Variants in KLHL3 observed in about 807,000 individuals in gnomAD.
KLHL3 encodes the protein kelch like family member 3.
Under a neutral mutation model 70.5 loss-of-function variants are expected in KLHL3, and 19 were observed. That is an observed-to-expected ratio of 0.27 (90% confidence interval 0.19 to 0.40). The LOEUF is 0.40. Among genes scored for constraint, KLHL3 ranks in the 10% least tolerant of loss-of-function variants. KLHL3 has a pLI of 1.00. For missense variants in KLHL3, 512 were observed against 771.1 expected, an observed-to-expected ratio of 0.66 and a Z score of 3.98; for synonymous variants, 258 against 290.3, an observed-to-expected ratio of 0.89 and a Z score of 1.13.
At chr5:137,638,810 G>A (rs1750833293) in intron 10 of KLHL3, 143 bp downstream of exon 10, 4 of 763,318 alleles carry the variant, frequency 5.2e-6, no homozygotes, top group Non-Finnish European at 8.6e-6. Flanking sequence ...CCCAAAAGCT[G>A]GATGAGGAAG....
chr5:137,709,682 A>T (rs575266494), intron 3 of KLHL3, 68 bp downstream of exon 3: 102 of 1,251,302 alleles, frequency 8.2e-5, no homozygotes, highest in Admixed American at 6.3e-4. Flanking sequence ...TCATGTCACC[A>T]CCCCCAACAT....
chr5:137,683,191 T>C (rs1342735851), intron 5 of KLHL3, among the ~76,000 whole-genome samples: 3 of 152,204 alleles, frequency 2.0e-5, no homozygotes, highest in Non-Finnish European at 2.9e-5. Context: ...GAAAGTTATA[T>C]GGTGCCTCTT....
chr5:137,659,196 C>T (rs963718566), intron 7 of KLHL3, among the ~76,000 whole-genome samples: 2 of 152,194 alleles, frequency 1.3e-5, no homozygotes, highest in Admixed American at 6.5e-5. Flanking sequence ...TTGGGCAGCC[C>T]TGTGCTGGTC....
rs118184429 is a variant in KLHL3 at position 137,698,635 on chromosome 5, A to G, written c.242-227T>C. 6.8e-4 allele frequency among the ~76,000 whole-genome samples: 104 copies of G among 152,262 alleles called. 4 individuals are homozygous for G. The East Asian group carries it at 0.019, about 27-fold the overall frequency. The stretch of plus-strand genomic sequence containing the variant: ...CCCAGCCTTAAGCATTCCTTACTCT[A>G]TCTATTGCCCACTTCCATTGTGAAG... On this transcript the variant is annotated intron_variant, in intron 3 of 14. Coordinates refer to ENST00000309755, the MANE Select transcript of KLHL3 (RefSeq NM_017415.3).
At chr5:137,630,485 C>T (rs1317339998) in intron 12 of KLHL3, among the ~76,000 whole-genome samples, 1 of 152,182 alleles carries the variant, frequency 6.6e-6, no homozygotes, top group African/African-American at 2.4e-5. Context: ...GGCTGCCTCC[C>T]CAGGCTTTCG....
At chr5:137,682,491 T>C (rs1453923852) in intron 5 of KLHL3, among the ~76,000 whole-genome samples, 1 of 150,560 alleles carries the variant, frequency 6.6e-6, no homozygotes, top group Non-Finnish European at 1.5e-5. Context: ...AAGAGAATAA[T>C]CTTAGTCCCT....
intron 6 of KLHL3, among the ~76,000 whole-genome samples, chr5:137,668,119 T>A (rs570264491): frequency 6.0e-4 from 91 of 152,298 alleles, no homozygotes; most frequent in South Asian, 4.1e-3. Flanking sequence ...TTTAAAAACC[T>A]AGGCCAGGCA....
chr5:137,707,554 T>C (rs1294449490), intron 3 of KLHL3: 5 of 154,420 alleles, frequency 3.2e-5, no homozygotes, highest in Non-Finnish European at 7.3e-5. Context: ...CTTACCTAGA[T>C]GTTGTAGTAC....
At chr5:137,664,818 T>TAA (rs1206531497) in intron 6 of KLHL3, among the ~76,000 whole-genome samples, 8 of 151,708 alleles carry the variant, frequency 5.3e-5, no homozygotes, top group Non-Finnish European at 8.8e-5. Context: ...AGCCTATCTT[T>TAA]AAAAAAATAA....
chr5:137,699,188 A>G (rs1265473322), intron 3 of KLHL3, among the ~76,000 whole-genome samples: 1 of 152,192 alleles, frequency 6.6e-6, no homozygotes, highest in East Asian at 1.9e-4. Flanking sequence ...TGAGAGAGGT[A>G]TTAGAGGATG....
At chr5:137,631,502 G>C (rs1232278054) in intron 12 of KLHL3, among the ~76,000 whole-genome samples, 1 of 152,206 alleles carries the variant, frequency 6.6e-6, no homozygotes, top group Non-Finnish European at 1.5e-5. Context: ...TTCAATTCCA[G>C]ACAGGCAAGC....
chr5:137,733,032 A>G (rs745678966), intron 1 of KLHL3, among the ~76,000 whole-genome samples: 8 of 152,298 alleles, frequency 5.3e-5, no homozygotes, highest in Admixed American at 2.6e-4. Flanking sequence ...AAAATTGTTC[A>G]TTAGCAATCC....
intron 13 of KLHL3, 106 bp downstream of exon 13, chr5:137,628,191 C>A: frequency 7.2e-7 from 1 of 1,391,298 alleles, no homozygotes; most frequent in Non-Finnish European, 1.0e-6. Flanking sequence ...TCAGGATATA[C>A]GCTCAGCTCC....
At chr5:137,725,581 A>G (rs926198502) in intron 1 of KLHL3, among the ~76,000 whole-genome samples, 1 of 152,222 alleles carries the variant, frequency 6.6e-6, no homozygotes, top group African/African-American at 2.4e-5. Context: ...CAACAATTGT[A>G]GATGTAGTGA....
intron 8 of KLHL3, among the ~76,000 whole-genome samples, chr5:137,647,072 G>C (rs979311603): frequency 6.6e-6 from 1 of 152,176 alleles, no homozygotes; most frequent in East Asian, 1.9e-4. Context: ...CTCCACTGTA[G>C]CAGAGATGGT....
chr5:137,622,516 T>C (rs1750338206), intron 14 of KLHL3, among the ~76,000 whole-genome samples: 1 of 152,248 alleles, frequency 6.6e-6, no homozygotes, highest in Non-Finnish European at 1.5e-5. Context: ...ATCTCTACTT[T>C]TAGAAGACAC....
In KLHL3 at chr5:137,639,131, G is replaced by A. The variant is rs754282011; in HGVS notation, c.1041C>T (p.Gly347=). The change falls in exon 10 of 15, where the codon GGC becomes GGT. Residue 347 remains glycine, a synonymous_variant. Transcript: ENST00000309755. The surrounding 1 kb of genome is among the most constrained non-coding windows in gnomAD (Gnocchi z 5.0). The stretch of plus-strand genomic sequence containing the variant: ...TAAACCCTCCCACGGCATACACGTG[G>A]CCAGCCATGAACACCACACCTGAGG... ...RCRAGVVFMA[G]HVYAVGGFNG... 1.2e-6 allele frequency: 2 copies of A among 1,611,790 alleles called. No individual in the cohort carries two copies. Among genetic ancestry groups the A allele is most frequent in the Non-Finnish European group, 1.7e-6 (2 of 1,179,434 alleles).
In KLHL3 at chr5:137,639,101, G is replaced by A; in HGVS notation, c.1071C>T (p.Gly357=). The A allele has an allele frequency of 1.2e-6, 2 of 1,613,996 alleles. No individual in the cohort carries two copies. Among genetic ancestry groups the A allele is most frequent in the Non-Finnish European group, 1.7e-6 (2 of 1,179,962 alleles). Residue 357 remains glycine, a synonymous_variant, in exon 10 of 15, where the codon GGC becomes GGT. Coordinates refer to ENST00000309755, the MANE Select transcript of KLHL3 (RefSeq NM_017415.3). This position sits in a 1 kb window ranked among gnomAD's most constrained non-coding sequence, Gnocchi z 5.0. ...GHVYAVGGFN[G]SLRVRTVDVY... ...CATCCACTGTCCGCACCCGCAGTGA[G>A]CCATTAAACCCTCCCACGGCATACA...
intron 5 of KLHL3, 32 bp downstream of exon 5, chr5:137,692,253 G>A (rs1002490103): frequency 7.5e-6 from 12 of 1,593,972 alleles, no homozygotes; most frequent in African/African-American, 5.4e-5. Flanking sequence ...CCACAAACTC[G>A]GAGGAGGTGC....
Sources: gnomAD v4.1 joint callset for allele counts (sites outside exome capture counted in the v4.1 genomes callset) on GRCh38, gnomAD v4.1.1 for gene constraint, Gnocchi (gnomAD v3.1) non-coding constraint, MANE v1.5 for transcripts, NCBI Gene and HGNC (gene_info 2026-07-23, HGNC 2026-07-21) for gene names.